The following SAE1 variants were observed in gnomAD, a reference collection of about 807,000 sequenced individuals.
SAE1 encodes SUMO-activating enzyme subunit 1.
In SAE1, 11 loss-of-function variants were observed where a neutral mutation model predicts 40.6. The observed-to-expected ratio is 0.27, with a 90% confidence interval of 0.17 to 0.45. The LOEUF (loss-of-function observed/expected upper bound fraction) is 0.45. SAE1 is among the 20% of genes least tolerant of loss of function. The pLI, the probability that SAE1 is intolerant of heterozygous loss-of-function variation, is 1.00. For missense variants in SAE1, 373 were observed against 427.3 expected (o/e 0.87, Z 1.12); for synonymous variants, 155 against 154.3 (o/e 1.00, Z -0.03).
chr19:47,171,150 T>G lies in SAE1; in HGVS notation c.733+1227T>G, dbSNP rs527373884. Among the ~76,000 whole-genome samples, 230 of 151,342 alleles carry G rather than the reference T, an allele frequency of 1.5e-3. 2 individuals are homozygous for G. Among genetic ancestry groups the G allele is most frequent in the Middle Eastern group, 0.01 (3 of 288 alleles). On this transcript the variant is annotated intron_variant, in intron 6 of 8. Coordinates refer to ENST00000270225, the MANE Select transcript of SAE1 (RefSeq NM_005500.3). Reference sequence around the variant, plus strand: ...CCACCACACCCAGCTAATTTTTATATTTTTAGTAGAGACAGGGTTTCACCA... The same window carrying G: ...CCACCACACCCAGCTAATTTTTATAGTTTTAGTAGAGACAGGGTTTCACCA...
At chr19:47,185,733 C>G (rs1402826684) in intron 6 of SAE1, among the ~76,000 whole-genome samples, 1 of 151,766 alleles carries the variant, frequency 6.6e-6, no homozygotes, top group Non-Finnish European at 1.5e-5. Context: ...TCCTGAGTAC[C>G]TGGGATTACA....
At chr19:47,132,234 A>G in intron 1 of SAE1, among the ~76,000 whole-genome samples, 1 of 150,104 alleles carries the variant, frequency 6.7e-6, no homozygotes, top group East Asian at 2.0e-4. Context: ...AAGTGGTTGG[A>G]TTACAGACGT....
intron 7 of SAE1, among the ~76,000 whole-genome samples, chr19:47,200,490 CAA>C (rs1234933196): frequency 2.9e-5 from 4 of 136,390 alleles, no homozygotes; most frequent in South Asian, 2.4e-4. Flanking sequence ...AACCGCATAA[CAA>C]GAGAGTATAC....
At chr19:47,196,640 C>G (rs1349924576) in intron 6 of SAE1, among the ~76,000 whole-genome samples, 2 of 150,300 alleles carry the variant, frequency 1.3e-5, no homozygotes, top group East Asian at 2.0e-4. Flanking sequence ...GGGGTTACAG[C>G]TGTGAGCCAC....
intron 2 of SAE1, among the ~76,000 whole-genome samples, chr19:47,146,737 C>T (rs188326198): frequency 2.6e-5 from 4 of 152,298 alleles, no homozygotes; most frequent in Admixed American, 1.3e-4. Flanking sequence ...GCATCTGACT[C>T]CAGAGCCCAT....
At chr19:47,196,676 T>C (rs1361491429) in intron 6 of SAE1, among the ~76,000 whole-genome samples, 2 of 151,702 alleles carry the variant, frequency 1.3e-5, no homozygotes, top group African/African-American at 4.8e-5. Context: ...CAGGTCTTAA[T>C]AGAGCCTTTT....
chr19:47,152,792 C>T, intron 3 of SAE1, 106 bp from the exon 4 acceptor site: 1 of 1,112,198 alleles, frequency 9.0e-7, no homozygotes, highest in Non-Finnish European at 1.3e-6. Flanking sequence ...TTGAAACATG[C>T]TTTGAGCATG....
At chr19:47,165,614 C>CTGAT (rs1455400402) in intron 5 of SAE1, among the ~76,000 whole-genome samples, 1 of 152,216 alleles carries the variant, frequency 6.6e-6, no homozygotes, top group Admixed American at 6.5e-5. Flanking sequence ...TGAAAGACTC[C>CTGAT]TGATTCCCTG....
chr19:47,183,073 G>A (rs1307026678), intron 6 of SAE1, among the ~76,000 whole-genome samples: 1 of 152,040 alleles, frequency 6.6e-6, no homozygotes, highest in African/African-American at 2.4e-5. Context: ...CTACCACCAC[G>A]TCCGGCTAAT....
At chr19:47,149,626 T>C (rs2058275248) in intron 2 of SAE1, among the ~76,000 whole-genome samples, 1 of 152,174 alleles carries the variant, frequency 6.6e-6, no homozygotes, top group Admixed American at 6.6e-5. Flanking sequence ...CAAATTTGCA[T>C]AGAAGAAGAA....
intron 5 of SAE1, among the ~76,000 whole-genome samples, chr19:47,160,620 C>T (rs1474809034): frequency 2.6e-5 from 4 of 152,076 alleles, no homozygotes; most frequent in Non-Finnish European, 5.9e-5. Context: ...TGGTCTCGAT[C>T]TCCTGACCTC....
At chr19:47,172,064 G>A (rs1370872697) in intron 6 of SAE1, among the ~76,000 whole-genome samples, 1 of 151,150 alleles carries the variant, frequency 6.6e-6, no homozygotes, top group East Asian at 2.0e-4. Flanking sequence ...GATTACAGGT[G>A]CCCACCAGCA....
At chr19:47,137,826 T>G (rs1166506264) in intron 1 of SAE1, among the ~76,000 whole-genome samples, 1 of 151,718 alleles carries the variant, frequency 6.6e-6, no homozygotes, top group Non-Finnish European at 1.5e-5. Flanking sequence ...CCTCCTGAGT[T>G]CAAGCGATTC....
chr19:47,165,934 C>T (rs1245850116), intron 5 of SAE1, among the ~76,000 whole-genome samples: 1 of 152,188 alleles, frequency 6.6e-6, no homozygotes, highest in Non-Finnish European at 1.5e-5. Flanking sequence ...TGCATTCCAA[C>T]TTTCACATTT....
At chr19:47,169,746 G>C in intron 5 of SAE1, 72 bp from the exon 6 acceptor site, 1 of 990,576 alleles carries the variant, frequency 1.0e-6, no homozygotes, top group Non-Finnish European at 1.6e-6. Context: ...TTCTGCAATA[G>C]AGAAGAGCAA....
At chr19:47,179,609 G>A (rs902629900) in intron 6 of SAE1, among the ~76,000 whole-genome samples, 5 of 152,006 alleles carry the variant, frequency 3.3e-5, no homozygotes, top group African/African-American at 7.2e-5. Context: ...GCAGTGTCAC[G>A]ATCATAACTT....
intron 1 of SAE1, among the ~76,000 whole-genome samples, chr19:47,142,245 G>C (rs917597025): frequency 6.6e-6 from 1 of 151,882 alleles, no homozygotes; most frequent in African/African-American, 2.4e-5. Context: ...CTAGCCAGGC[G>C]TGACAGTAGG....
intron 8 of SAE1, among the ~76,000 whole-genome samples, chr19:47,205,078 G>A (rs755546627): frequency 6.6e-6 from 1 of 152,164 alleles, no homozygotes; most frequent in Admixed American, 6.6e-5. Context: ...CTATTTGCCC[G>A]AAGATGTTAA....
At chr19:47,154,485 T>G (rs1293170747) in intron 4 of SAE1, among the ~76,000 whole-genome samples, 2 of 90,096 alleles carry the variant, frequency 2.2e-5, no homozygotes, top group African/African-American at 8.0e-5. Context: ...TTTGGCTTTT[T>G]TTTTTTTTTT....
Sources: allele counts gnomAD v4.1 joint callset (sites outside exome capture counted in the v4.1 genomes callset), GRCh38; gene constraint gnomAD v4.1.1; transcripts MANE v1.5; gene names NCBI Gene and HGNC (gene_info 2026-07-23, HGNC 2026-07-21).